RNF121: variants seen among roughly 807,000 people sequenced by gnomAD.
The protein encoded by RNF121 is ring finger protein 121, also known as E3 ubiquitin ligase RNF121.
A neutral mutation model predicts 46.5 loss-of-function variants in RNF121; 21 were observed. The observed-to-expected ratio is 0.45, with a 90% CI of 0.32 to 0.65. RNF121 has a LOEUF of 0.65. Among genes scored for constraint, RNF121 ranks in the 30% least tolerant of loss-of-function variants. The probability of loss-of-function intolerance (pLI) is 0.04; values close to 1 mark genes in which losing one functional copy is unlikely to be tolerated. For synonymous variants in RNF121, 139 were observed against 144.7 expected, an observed-to-expected ratio of 0.96 and a Z score of 0.28; for missense variants, 346 against 416.0, an observed-to-expected ratio of 0.83 and a Z score of 1.46.
At chr11:71,968,832 T>C (rs145178745) in intron 3 of RNF121, among the ~76,000 whole-genome samples, 28 of 151,918 alleles carry the variant, frequency 1.8e-4, no homozygotes, top group Non-Finnish European at 3.7e-4. Flanking sequence ...TTCCTAGATA[T>C]ATGCCAAGAG....
At chr11:71,994,907 TGA>T (rs979278791) in intron 7 of RNF121, 55 bp downstream of exon 7, 3 of 1,609,306 alleles carry the variant, frequency 1.9e-6, no homozygotes, top group Non-Finnish European at 1.7e-6. Flanking sequence ...CACACTGTAG[TGA>T]GAGAGAGAAA....
intron 6 of RNF121, among the ~76,000 whole-genome samples, chr11:71,992,581 T>C (rs763804141): frequency 3.3e-5 from 5 of 152,222 alleles, no homozygotes; most frequent in Non-Finnish European, 4.4e-5. Flanking sequence ...CAAGAAACTG[T>C]CAGTGAAGTG....
At chr11:71,940,761 T>C (rs1953549737) in intron 1 of RNF121, among the ~76,000 whole-genome samples, 2 of 152,216 alleles carry the variant, frequency 1.3e-5, no homozygotes, top group Non-Finnish European at 2.9e-5. Context: ...TGTAGTATAG[T>C]GTCAGCATGT....
intron 3 of RNF121, among the ~76,000 whole-genome samples, chr11:71,974,929 C>T (rs1359497120): frequency 6.6e-6 from 1 of 152,216 alleles, no homozygotes; most frequent in Non-Finnish European, 1.5e-5. Context: ...ATCATCTATT[C>T]AGAGTCTAAC....
intron 2 of RNF121, 78 bp downstream of exon 2, chr11:71,957,342 T>C: frequency 2.0e-6 from 2 of 990,538 alleles, no homozygotes; most frequent in South Asian, 2.5e-5. Flanking sequence ...GTCTACCCAT[T>C]TTGCTTTCTT....
At chr11:71,961,003 CAATG>C in intron 3 of RNF121, 112 bp downstream of exon 3, 17 of 1,223,484 alleles carry the variant, frequency 1.4e-5, no homozygotes, top group Non-Finnish European at 1.6e-5. Flanking sequence ...AAGACAATAA[CAATG>C]AACTTTATGT....
rs562051315 is a variant in RNF121, at chr11:71,966,076, A to G, written c.243+5185A>G. Among the ~76,000 whole-genome samples, 9 of 152,120 alleles carry G rather than the reference A, an allele frequency of 5.9e-5. No individual in the cohort carries two copies. In the East Asian group the frequency reaches 1.6e-3, roughly 26 times the overall value. On this transcript the variant is annotated intron_variant, in intron 3 of 8. Transcript: ENST00000361756. ...CTCTTGTTGCCCAGGCTGGAGTGCA[A>G]TGGCACAATCTCAGCTCACCACAAC...
In RNF121 at chr11:71,969,493, CT is replaced by C. The variant is rs1024234131; in HGVS notation, c.243+8610del. 4.6e-3 allele frequency among the ~76,000 whole-genome samples: 694 copies of C among 151,822 alleles called. 3 individuals are homozygous for C. Among genetic ancestry groups the C allele is most frequent in the African/African-American group, 0.016 (663 of 41,412 alleles). On this transcript the variant is annotated intron_variant, in intron 3 of 8. Coordinates refer to ENST00000361756, the MANE Select transcript of RNF121 (RefSeq NM_018320.5). ...AATGGAAACTTAAGTGGTATGTTTT[CT>C]TTTTTTTGGCTAAGTTTGTGTTAGG...
chr11:71,989,070 TTTTGTTTG>T (rs10654699), intron 5 of RNF121, among the ~76,000 whole-genome samples: 27 of 150,282 alleles, frequency 1.8e-4, no homozygotes, highest in East Asian at 1.8e-3. Flanking sequence ...CATTATGGTT[TTTTGTTTG>T]TTTGTTTGTT....
intron 1 of RNF121, among the ~76,000 whole-genome samples, chr11:71,937,675 C>T (rs1953452817): frequency 6.6e-6 from 1 of 152,162 alleles, no homozygotes; most frequent in Non-Finnish European, 1.5e-5. Flanking sequence ...TGTATTGCTT[C>T]AACTTTTTAG....
chr11:71,953,225 G>A (rs1188441308), intron 1 of RNF121, among the ~76,000 whole-genome samples: 1 of 152,110 alleles, frequency 6.6e-6, no homozygotes, highest in Non-Finnish European at 1.5e-5. Context: ...GTAGAGATGG[G>A]TTCTCGCTGT....
chr11:71,972,729 A>T (rs1474867071), intron 3 of RNF121, among the ~76,000 whole-genome samples: 4 of 152,140 alleles, frequency 2.6e-5, no homozygotes, highest in African/African-American at 9.7e-5. Context: ...CTGGGAAACA[A>T]AATCATCCCT....
At chr11:71,982,987 A>G in intron 4 of RNF121, 72 bp downstream of exon 4, 2 of 1,385,188 alleles carry the variant, frequency 1.4e-6, no homozygotes, top group Non-Finnish European at 1.9e-6. Context: ...GGAGGAGCAT[A>G]GGTTTAGACT....
chr11:71,974,107 A>C (rs1954479106), intron 3 of RNF121, among the ~76,000 whole-genome samples: 1 of 151,802 alleles, frequency 6.6e-6, no homozygotes, highest in African/African-American at 2.4e-5. Flanking sequence ...GTGTCTGGCT[A>C]ATTTTTTGTA....
At chr11:71,945,806 A>AG (rs398115493) in intron 1 of RNF121, among the ~76,000 whole-genome samples, 5 of 151,702 alleles carry the variant, frequency 3.3e-5, no homozygotes, top group Admixed American at 6.6e-5. Context: ...AATAAAAAAA[A>AG]TAACCTAGTA....
At chr11:71,954,894 T>C (rs936573183) in intron 1 of RNF121, among the ~76,000 whole-genome samples, 4 of 152,240 alleles carry the variant, frequency 2.6e-5, no homozygotes, top group African/African-American at 9.6e-5. Context: ...TGCTGGTTTG[T>C]CAGCATACTT....
intron 1 of RNF121, among the ~76,000 whole-genome samples, chr11:71,935,642 G>C (rs549478647): frequency 7.9e-5 from 12 of 152,122 alleles, no homozygotes; most frequent in Non-Finnish European, 1.8e-4. Context: ...TGTGAACTCA[G>C]GAAAGATTCC....
At chr11:71,976,636 G>A (rs1190283897) in intron 3 of RNF121, among the ~76,000 whole-genome samples, 1 of 152,094 alleles carries the variant, frequency 6.6e-6, no homozygotes, top group Non-Finnish European at 1.5e-5. Context: ...GGGGTTACAG[G>A]CGTGAGCCAC....
intron 3 of RNF121, among the ~76,000 whole-genome samples, chr11:71,969,757 G>A (rs1184008419): frequency 6.6e-6 from 1 of 152,086 alleles, no homozygotes; most frequent in African/African-American, 2.4e-5. Flanking sequence ...CTAGAGATGA[G>A]GGTCTTCCTG....
Sources: allele counts gnomAD v4.1 joint callset (sites outside exome capture counted in the v4.1 genomes callset), GRCh38; gene constraint gnomAD v4.1.1; transcripts MANE v1.5; gene names NCBI Gene and HGNC (gene_info 2026-07-23, HGNC 2026-07-21).